The following GABRG3 variants were observed in gnomAD, a reference collection of about 807,000 sequenced individuals.
The protein encoded by GABRG3 is gamma-aminobutyric acid type A receptor subunit gamma3, also known as gamma-aminobutyric acid receptor subunit gamma-3.
Under a neutral mutation model 48.8 loss-of-function variants are expected in GABRG3, and 25 were observed. That is an observed-to-expected ratio of 0.51 (90% CI 0.37 to 0.72). The LOEUF (loss-of-function observed/expected upper bound fraction) is 0.72. GABRG3 is among the 30% of genes least tolerant of loss of function. GABRG3 has a pLI of 0.00. For missense variants in GABRG3, 394 were observed against 577.9 expected (o/e 0.68, Z 3.26); for synonymous variants, 227 against 217.6 (o/e 1.04, Z -0.38).
chr15:27,220,577 A>T (rs921045626), intron 3 of GABRG3, among the ~76,000 whole-genome samples: 5 of 152,202 alleles, frequency 3.3e-5, no homozygotes, highest in African/African-American at 9.6e-5. Flanking sequence ...GTGATGTGAC[A>T]GCAGTGGGCA....
intron 3 of GABRG3, among the ~76,000 whole-genome samples, chr15:27,303,495 A>G (rs2140494651): frequency 6.6e-6 from 1 of 151,894 alleles, no homozygotes; most frequent in East Asian, 1.9e-4. Context: ...AATCTGAAAA[A>G]TAAACTTCCA....
At chr15:27,176,025 T>TG (rs1044124190) in intron 3 of GABRG3, among the ~76,000 whole-genome samples, 9 of 117,980 alleles carry the variant, frequency 7.6e-5, no homozygotes, top group Middle Eastern at 9.1e-3. Flanking sequence ...AACAGTATGC[T>TG]GGGAAAAAAA....
chr15:27,004,917 C>G (rs1895553316), intron 2 of GABRG3, among the ~76,000 whole-genome samples: 1 of 152,188 alleles, frequency 6.6e-6, no homozygotes, highest in Admixed American at 6.5e-5. Flanking sequence ...CCTAATATGT[C>G]TACAGGCAGT....
chr15:27,336,237 G>GAGAAAGAA (rs1566792015), intron 5 of GABRG3, among the ~76,000 whole-genome samples: 42 of 143,406 alleles, frequency 2.9e-4, no homozygotes, highest in African/African-American at 1.2e-3. Flanking sequence ...AGAGAGAGGA[G>GAGAAAGAA]AAGAAAAGAA....
At chr15:27,265,697 G>A (rs10152154) in intron 3 of GABRG3, among the ~76,000 whole-genome samples, 19,479 of 152,026 alleles carry the variant, frequency 0.13, 2,377 homozygotes, top group African/African-American at 0.32. Context: ...AAGTATGGAC[G>A]TTGCAAATAC....
chr15:27,421,147 C>A (rs1382739383), intron 5 of GABRG3, among the ~76,000 whole-genome samples: 2 of 152,194 alleles, frequency 1.3e-5, no homozygotes, highest in African/African-American at 4.8e-5. Flanking sequence ...ATGCTGCTCA[C>A]CACTGCTGAG....
intron 3 of GABRG3, among the ~76,000 whole-genome samples, chr15:27,111,195 A>G (rs757168468): frequency 6.6e-6 from 1 of 152,278 alleles, no homozygotes; most frequent in Middle Eastern, 3.4e-3. Flanking sequence ...ACTTTTCAGA[A>G]GCATTCTTCA....
intron 5 of GABRG3, among the ~76,000 whole-genome samples, chr15:27,441,680 G>T (rs868225703): frequency 3.0e-4 from 46 of 152,086 alleles, no homozygotes; most frequent in Middle Eastern, 3.2e-3. Context: ...AGGGGGATTG[G>T]GGGAGGCAGG....
At chr15:27,091,038 A>C (rs1461829264) in intron 3 of GABRG3, among the ~76,000 whole-genome samples, 3 of 152,182 alleles carry the variant, frequency 2.0e-5, no homozygotes, top group African/African-American at 7.2e-5. Context: ...TTCCAGTAAA[A>C]TGTTGCAAAA....
chr15:27,104,780 A>G (rs1301081636), intron 3 of GABRG3, among the ~76,000 whole-genome samples: 3 of 152,240 alleles, frequency 2.0e-5, no homozygotes, highest in East Asian at 3.9e-4. Flanking sequence ...AGAGAAAGCC[A>G]TGGTAACAAA....
chr15:26,979,846 T>A (rs932045367), intron 2 of GABRG3, among the ~76,000 whole-genome samples: 2 of 152,222 alleles, frequency 1.3e-5, no homozygotes, highest in Non-Finnish European at 2.9e-5. Context: ...TTGGGTAATA[T>A]GAGCTTTATA....
intron 3 of GABRG3, among the ~76,000 whole-genome samples, chr15:27,171,507 C>CATATATATATATATATATATATATAT (rs57913193): frequency 3.7e-4 from 53 of 144,324 alleles, no homozygotes; most frequent in Non-Finnish European, 7.6e-4. Context: ...GCATGTCTAA[C>CATATATATATATATATATATATATAT]ATATATATAT....
intron 3 of GABRG3, among the ~76,000 whole-genome samples, chr15:27,211,156 G>A (rs1460106287): frequency 1.3e-5 from 2 of 152,144 alleles, no homozygotes; most frequent in Non-Finnish European, 2.9e-5. Flanking sequence ...CTCATCACAC[G>A]AGTGTGTCCT....
At position 27,272,595 on chromosome 15, in the gene GABRG3, C is replaced by T. The variant is rs1218372310; in HGVS notation, c.271-54214C>T. ...GACTGCTAAGTCAGGGCTGAATCAT[C>T]CACACCAAGACAAGAGTTAAAGACT... On this transcript the variant is annotated intron_variant, in intron 3 of 9. Transcript: ENST00000615808. Among the ~76,000 whole-genome samples the T allele has an allele frequency of 1.3e-5, 2 of 152,164 alleles. 1 individual carries two copies. Among genetic ancestry groups the T allele is most frequent in the Non-Finnish European group, 2.9e-5 (2 of 68,034 alleles).
chr15:27,179,013 CCT>C lies in GABRG3; in HGVS notation c.271-147794_271-147793del, dbSNP rs375132190. On this transcript the variant is annotated intron_variant, in intron 3 of 9. Coordinates refer to ENST00000615808, the MANE Select transcript of GABRG3 (RefSeq NM_033223.5). The surrounding 1 kb of genome is among the most constrained non-coding windows in gnomAD (Gnocchi z 4.0). ...AGAGGGATTCTTGTTTCTATGGCAG[CCT>C]CAGAGGAGAATGGGACTGAGAGGAG... Among the ~76,000 whole-genome samples the C allele has an allele frequency of 9.7e-4, 147 of 152,208 alleles. 1 individual carries two copies. Among genetic ancestry groups the C allele is most frequent in the African/African-American group, 3.5e-3 (144 of 41,528 alleles).
At chr15:27,263,915 G>C (rs963521370) in intron 3 of GABRG3, among the ~76,000 whole-genome samples, 1 of 134,590 alleles carries the variant, frequency 7.4e-6, no homozygotes, top group African/African-American at 2.9e-5. Context: ...GAAAGAGCGA[G>C]ACTCTGTCAA....
chr15:27,253,960 A>T (rs892077160), intron 3 of GABRG3, among the ~76,000 whole-genome samples: 2 of 152,246 alleles, frequency 1.3e-5, no homozygotes, highest in Non-Finnish European at 2.9e-5. Flanking sequence ...CTCAGAGGTT[A>T]TGTCGCTTTC....
At chr15:27,397,488 T>C (rs2140582996) in intron 5 of GABRG3, among the ~76,000 whole-genome samples, 1 of 152,304 alleles carries the variant, frequency 6.6e-6, no homozygotes, top group South Asian at 2.1e-4. Flanking sequence ...TTAAACTCTC[T>C]TATCACCTTC....
chr15:26,990,423 T>C (rs188932095), intron 2 of GABRG3, among the ~76,000 whole-genome samples: 302 of 152,352 alleles, frequency 2.0e-3, no homozygotes, highest in Middle Eastern at 3.4e-3. Context: ...ATATCTTCTT[T>C]TGAGAAATAT....
Sources: gnomAD v4.1 joint callset for allele counts (sites outside exome capture counted in the v4.1 genomes callset) on GRCh38, gnomAD v4.1.1 for gene constraint, Gnocchi (gnomAD v3.1) non-coding constraint, MANE v1.5 for transcripts, NCBI Gene and HGNC (gene_info 2026-07-23, HGNC 2026-07-21) for gene names.